MITF: variants seen among roughly 807,000 people sequenced by gnomAD.
The protein encoded by MITF is microphthalmia-associated transcription factor.
MITF carries 17 observed loss-of-function variants against 60.5 expected under a neutral mutation model. The observed-to-expected ratio is 0.28, with a 90% CI of 0.19 to 0.42. The LOEUF (loss-of-function observed/expected upper bound fraction) is 0.42. MITF is among the 10% of genes least tolerant of loss of function. The pLI is 1.00. For synonymous variants in MITF, 260 were observed against 248.5 expected (o/e 1.05, Z -0.43); for missense variants, 622 against 683.5 (o/e 0.91, Z 1.00).
intron 1 of MITF, among the ~76,000 whole-genome samples, chr3:69,861,454 A>G (rs2064015411): frequency 6.6e-6 from 1 of 152,186 alleles, no homozygotes; most frequent in South Asian, 2.1e-4. Context: ...ACAAAAGGAG[A>G]TGTTTCTTCT....
chr3:69,821,572 T>A (rs1254080156), intron 1 of MITF, among the ~76,000 whole-genome samples: 1 of 151,840 alleles, frequency 6.6e-6, no homozygotes, highest in African/African-American at 2.4e-5. Flanking sequence ...CTTGAATTAA[T>A]TTTTTCCTTC....
intron 1 of MITF, among the ~76,000 whole-genome samples, chr3:69,828,176 T>C (rs1377941703): frequency 2.6e-5 from 4 of 151,440 alleles, no homozygotes; most frequent in Admixed American, 2.6e-4. Context: ...TGGATGAACT[T>C]TGAGGAAAAT....
intron 1 of MITF, among the ~76,000 whole-genome samples, chr3:69,787,964 A>G (rs1385161051): frequency 1.3e-5 from 2 of 152,174 alleles, no homozygotes; most frequent in East Asian, 3.9e-4. Context: ...TTTATTCATC[A>G]CAGCAACCCT....
chr3:69,901,798 A>T (rs2065000978), intron 2 of MITF, among the ~76,000 whole-genome samples: 2 of 152,204 alleles, frequency 1.3e-5, no homozygotes, highest in South Asian at 4.1e-4. Flanking sequence ...AGCCTTGACG[A>T]CATAGCGTGT....
At chr3:69,909,902 G>A (rs142647621) in intron 2 of MITF, among the ~76,000 whole-genome samples, 2,356 of 152,236 alleles carry the variant, frequency 0.015, 29 homozygotes, top group Middle Eastern at 0.051. Context: ...ATTTTTTCAG[G>A]AGAAATTCAA....
chr3:69,817,691 A>T (rs2063203665), intron 1 of MITF, among the ~76,000 whole-genome samples: 1 of 152,182 alleles, frequency 6.6e-6, no homozygotes, highest in East Asian at 1.9e-4. Context: ...TCCAGATAAC[A>T]TTTTAGAATC....
At chr3:69,931,658 C>T (rs1254768552) in intron 2 of MITF, among the ~76,000 whole-genome samples, 1 of 151,960 alleles carries the variant, frequency 6.6e-6, no homozygotes, top group Non-Finnish European at 1.5e-5. Flanking sequence ...TGTAATAAGA[C>T]AGGAAGTAGT....
chr3:69,753,327 A>G (rs1191825335), intron 1 of MITF, among the ~76,000 whole-genome samples: 1 of 152,220 alleles, frequency 6.6e-6, no homozygotes, highest in Non-Finnish European at 1.5e-5. Context: ...CAGAGGATGT[A>G]TGGAAAAACT....
chr3:69,878,376 A>G (rs2064402245), intron 1 of MITF, among the ~76,000 whole-genome samples: 1 of 152,184 alleles, frequency 6.6e-6, no homozygotes, highest in Non-Finnish European at 1.5e-5. Context: ...TTTTGGGTAG[A>G]GTGAGTACCA....
chr3:69,851,216 G>C (rs918436209), intron 1 of MITF, among the ~76,000 whole-genome samples: 3 of 152,146 alleles, frequency 2.0e-5, no homozygotes, highest in Non-Finnish European at 4.4e-5. Context: ...AATATATTAT[G>C]AGCTGGATTT....
intron 6 of MITF, among the ~76,000 whole-genome samples, chr3:69,949,797 TAA>T (rs1486942946): frequency 6.6e-6 from 1 of 152,208 alleles, no homozygotes; most frequent in Non-Finnish European, 1.5e-5. Flanking sequence ...ATTTGGTCAT[TAA>T]AACATGGCGG....
Position 69,739,493 on chromosome 3 carries a change from C to G in MITF, c.-105C>G. ...GCCGGCGAGCGGGCAGAGCTCGGCA[C>G]TGCGCCGGGGCGCACGGCTCGGGGG... On this transcript the variant is annotated 5_prime_UTR_variant, in exon 1 of 10. Transcript: ENST00000352241. 9.0e-7 allele frequency: 1 copy of G among 1,107,886 alleles called. No individual in the cohort carries two copies. The highest frequency in any genetic ancestry group is 1.4e-5 in the South Asian group (1 of 73,516). 68.6% of individuals were successfully genotyped at this position (1,107,886 alleles called of 1,614,324 possible).
chr3:69,963,614 C>T (rs562484242), intron 9 of MITF, among the ~76,000 whole-genome samples: 4 of 152,252 alleles, frequency 2.6e-5, no homozygotes, highest in African/African-American at 9.6e-5. Flanking sequence ...GGGCACTGCA[C>T]GACTTCTAAA....
chr3:69,803,008 C>A (rs2106958312), intron 1 of MITF, among the ~76,000 whole-genome samples: 1 of 152,038 alleles, frequency 6.6e-6, no homozygotes, highest in South Asian at 2.1e-4. Context: ...AACTCCCGAC[C>A]TCAGGCGATC....
At chr3:69,940,165 T>C (rs1218797370) in intron 4 of MITF, among the ~76,000 whole-genome samples, 1 of 152,174 alleles carries the variant, frequency 6.6e-6, no homozygotes, top group South Asian at 2.1e-4. Context: ...ATTTTATAGA[T>C]TGACAAACTG....
chr3:69,812,778 C>T (rs991531485), intron 1 of MITF, among the ~76,000 whole-genome samples: 1 of 152,150 alleles, frequency 6.6e-6, no homozygotes, highest in Admixed American at 6.5e-5. Context: ...TGCATGTAAA[C>T]GATTTGGTTG....
At position 69,949,173 on chromosome 3, in the gene MITF, A is replaced by C; in HGVS notation, c.880+5A>C. 6.3e-7 allele frequency: 1 copy of C among 1,593,646 alleles called. No homozygotes were observed. Among genetic ancestry groups the C allele is most frequent in the Non-Finnish European group, 8.6e-7 (1 of 1,161,410 alleles). ...ACATAAAAAGGGAGCTCACAGGTAA[A>C]CACCTAGTAAATGTGCCTCTTACTG... On this transcript the variant is annotated splice_donor_5th_base_variant and intron_variant, in intron 6 of 9. Transcript: ENST00000352241.
At position 69,965,076 on chromosome 3, in the gene MITF, C is replaced by A. The variant is rs745382803; in HGVS notation, c.1409C>A (p.Ala470Asp). 6.2e-7 allele frequency: 1 copy of A among 1,614,130 alleles called. No homozygotes were observed. Among genetic ancestry groups the A allele is most frequent in the Non-Finnish European group, 8.5e-7 (1 of 1,180,024 alleles). The part of the protein sequence containing the change: ...NLGTGTEANQ[A>D]YSVPTKMGSK... ...GGAACTGGGACTGAGGCCAACCAAGCCTATAGTGTCCCCACAAAAATGGGA... is the reference window on the plus strand; with the variant it reads ...GGAACTGGGACTGAGGCCAACCAAGACTATAGTGTCCCCACAAAAATGGGA... The change falls in exon 10 of 10, where the codon GCC becomes GAC. Residue 470 changes from alanine (A) to aspartate (D), a missense_variant. Ala to Asp is a moderately radical substitution (Grantham distance 126, BLOSUM62 -2). Around this residue, in one of 5 missense-constraint regions of MITF, gnomAD observed 224 missense variants for 209.5 expected, o/e 1.07. Transcript: ENST00000352241.
intron 1 of MITF, among the ~76,000 whole-genome samples, chr3:69,845,626 A>G (rs34866111): frequency 6.6e-6 from 1 of 151,986 alleles, no homozygotes; most frequent in African/African-American, 2.4e-5. Context: ...TGAAGACACA[A>G]CTAGACCCAG....
Sources: allele counts gnomAD v4.1 joint callset (sites outside exome capture counted in the v4.1 genomes callset), GRCh38; gene constraint gnomAD v4.1.1; regional missense constraint gnomAD v4.1.1; transcripts MANE v1.5; gene names NCBI Gene and HGNC (gene_info 2026-07-23, HGNC 2026-07-21).